The following WDR25 variants were observed in gnomAD, a reference collection of about 807,000 sequenced individuals.
The protein encoded by WDR25 is WD repeat domain 25, also known as WD repeat-containing protein 25.
A neutral mutation model predicts 47.7 loss-of-function variants in WDR25; 35 were observed. The observed-to-expected ratio is 0.73, with a 90% CI of 0.56 to 0.97. WDR25 has a LOEUF of 0.97. Among genes scored for constraint, WDR25 ranks in the 50% least tolerant of loss-of-function variants. WDR25 has a pLI of 0.00. For missense variants in WDR25, 634 were observed against 704.7 expected (o/e 0.90, Z 1.14); for synonymous variants, 248 against 278.9 (o/e 0.89, Z 1.10).
chr14:100,452,255 C>A (rs1899060285), intron 2 of WDR25, among the ~76,000 whole-genome samples: 1 of 152,170 alleles, frequency 6.6e-6, no homozygotes, highest in African/African-American at 2.4e-5. Flanking sequence ...AGACATTGGG[C>A]TTCTAGTATA....
rs1375319054 is a variant in WDR25, at chr14:100,440,347, C to G, written c.823-27674C>G. Among the ~76,000 whole-genome samples the G allele has an allele frequency of 6.6e-6, 1 of 152,254 alleles. No individual in the cohort carries two copies. Among genetic ancestry groups the G allele is most frequent in the African/African-American group, 2.4e-5 (1 of 41,470 alleles). ...CAGACAGGCAGCCACAGTCAGGGAG[C>G]CCTTCGGCCACGGCAGCGGGGTGGC... On this transcript the variant is annotated intron_variant, in intron 2 of 6. Transcript: ENST00000402312. This position sits in a 1 kb window ranked among gnomAD's most constrained non-coding sequence, Gnocchi z 4.4.
intron 2 of WDR25, among the ~76,000 whole-genome samples, chr14:100,436,115 A>T (rs915239389): frequency 6.6e-6 from 1 of 152,228 alleles, no homozygotes; most frequent in African/African-American, 2.4e-5. Flanking sequence ...TCTGCTGTTG[A>T]CTAGCCATGT....
chr14:100,462,739 T>C (rs1018637584), intron 2 of WDR25, among the ~76,000 whole-genome samples: 1 of 152,132 alleles, frequency 6.6e-6, no homozygotes, highest in African/African-American at 2.4e-5. Flanking sequence ...TTTTTGTAAT[T>C]TCTTCTTTCT....
intron 4 of WDR25, among the ~76,000 whole-genome samples, chr14:100,503,203 AGAGATAAG>A (rs1900996144): frequency 1.3e-5 from 2 of 152,042 alleles, no homozygotes. Context: ...GGGAGGCTTT[AGAGATAAG>A]GGAGACCTCC....
rs555714126 is a variant in WDR25 at position 100,425,129 on chromosome 14, T to C, written c.823-42892T>C. ...AGGCAGCCAGGATTTTTCTAAAAACTGTGCACCTGGGTGTGTCCCTTGCTG... is the reference window on the plus strand; with the variant it reads ...AGGCAGCCAGGATTTTTCTAAAAACCGTGCACCTGGGTGTGTCCCTTGCTG... On this transcript the variant is annotated intron_variant, in intron 2 of 6. Coordinates refer to ENST00000402312, the MANE Select transcript of WDR25 (RefSeq NM_001161476.3). The surrounding 1 kb of genome is among the most constrained non-coding windows in gnomAD (Gnocchi z 4.8). 6.6e-6 allele frequency among the ~76,000 whole-genome samples: 1 copy of C among 152,248 alleles called. No homozygotes were observed. The highest frequency in any genetic ancestry group is 2.4e-5 in the African/African-American group (1 of 41,478).
intron 4 of WDR25, among the ~76,000 whole-genome samples, chr14:100,512,978 T>C (rs1234035101): frequency 6.6e-6 from 1 of 152,228 alleles, no homozygotes; most frequent in East Asian, 1.9e-4. Context: ...TAAATTTATT[T>C]AGATTTTTTT....
chr14:100,384,323 T>G (rs1399814488), intron 2 of WDR25, among the ~76,000 whole-genome samples: 1 of 152,300 alleles, frequency 6.6e-6, no homozygotes, highest in African/African-American at 2.4e-5. Flanking sequence ...ATGGGGTTAT[T>G]TGGCAAATTG....
At chr14:100,518,589 C>T (rs1246281506) in intron 4 of WDR25, among the ~76,000 whole-genome samples, 1 of 152,098 alleles carries the variant, frequency 6.6e-6, no homozygotes, top group East Asian at 1.9e-4. Context: ...TTCACCTTCT[C>T]CTTTAAGAAC....
At position 100,424,992 on chromosome 14, in the gene WDR25, T is replaced by G. The variant is rs1262839605; in HGVS notation, c.823-43029T>G. On this transcript the variant is annotated intron_variant, in intron 2 of 6. Transcript: ENST00000402312. This position sits in a 1 kb window ranked among gnomAD's most constrained non-coding sequence, Gnocchi z 4.2. ...TTCCCCATGAAGCATCTCTTGGGTC[T>G]GTCTGTTTCTCTCTTCATCCACACC... Among the ~76,000 whole-genome samples the G allele has an allele frequency of 6.6e-6, 1 of 152,212 alleles. No individual in the cohort carries two copies. The highest frequency in any genetic ancestry group is 1.5e-5 in the Non-Finnish European group (1 of 68,042).
At chr14:100,459,525 CA>C (rs1257290353) in intron 2 of WDR25, among the ~76,000 whole-genome samples, 1 of 152,040 alleles carries the variant, frequency 6.6e-6, no homozygotes, top group Non-Finnish European at 1.5e-5. Context: ...CCCAGTGCCT[CA>C]AAAGGTAGCT....
In WDR25 at chr14:100,424,170, C is replaced by T. The variant is rs1898103820; in HGVS notation, c.822+42424C>T. Among the ~76,000 whole-genome samples, 1 of 152,204 alleles carries T rather than the reference C, an allele frequency of 6.6e-6. No individual in the cohort carries two copies. Among genetic ancestry groups the T allele is most frequent in the Admixed American group, 6.5e-5 (1 of 15,284 alleles). On this transcript the variant is annotated intron_variant, in intron 2 of 6. Coordinates refer to ENST00000402312, the MANE Select transcript of WDR25 (RefSeq NM_001161476.3). The surrounding 1 kb of genome is among the most constrained non-coding windows in gnomAD (Gnocchi z 4.2). ...AGGAAGGCACCACGGGCGAGGCCTC[C>T]CAGGCTGGCTGGGTGAGTGTTCCTG...
At chr14:100,489,451 A>G (rs1299602115) in intron 4 of WDR25, among the ~76,000 whole-genome samples, 1 of 152,246 alleles carries the variant, frequency 6.6e-6, no homozygotes, top group Non-Finnish European at 1.5e-5. Context: ...TTTTGAACCA[A>G]AAGTTAGGAT....
chr14:100,504,420 A>G (rs1469348911), intron 4 of WDR25: 3 of 152,144 alleles, frequency 2.0e-5, no homozygotes, highest in African/African-American at 4.8e-5. Flanking sequence ...TTCTTACTGT[A>G]TCCCTCTGAT....
chr14:100,468,141 G>A lies in WDR25; in HGVS notation c.943G>A (p.Ala315Thr), dbSNP rs551792043. 36 of 1,613,470 alleles carry A rather than the reference G, an allele frequency of 2.2e-5. No homozygotes were observed. The highest frequency in any genetic ancestry group is 3.3e-4 in the Middle Eastern group (2 of 6,056). ...CATCCTCAGTGGTGGCTTTGACTTC[G>A]CGCTGCACCTAACAGACCTTGAAAC... is the stretch of plus-strand genomic sequence containing the variant. ...RRILSGGFDF[A>T]LHLTDLETGT... The change falls in exon 3 of 7, where the codon GCG (alanine) becomes ACG (threonine). Residue 315 changes from alanine (A) to threonine (T), a missense_variant. Coordinates refer to ENST00000402312, the MANE Select transcript of WDR25 (RefSeq NM_001161476.3). This position sits in a 1 kb window ranked among gnomAD's most constrained non-coding sequence, Gnocchi z 4.5.
chr14:100,391,066 T>C (rs1312206305), intron 2 of WDR25, among the ~76,000 whole-genome samples: 1 of 152,202 alleles, frequency 6.6e-6, no homozygotes, highest in Non-Finnish European at 1.5e-5. Context: ...TATTTTACCC[T>C]CTTCCCCCCC....
intron 3 of WDR25, among the ~76,000 whole-genome samples, chr14:100,471,582 T>G (rs577154863): frequency 6.6e-6 from 1 of 152,308 alleles, no homozygotes; most frequent in Non-Finnish European, 1.5e-5. Flanking sequence ...GCTTTTTCAT[T>G]TCAATCTAAT....
At chr14:100,438,512 G>A (rs559721942) in intron 2 of WDR25, among the ~76,000 whole-genome samples, 35 of 152,332 alleles carry the variant, frequency 2.3e-4, no homozygotes, top group African/African-American at 8.4e-4. Flanking sequence ...TGAATTGAAT[G>A]AGCTTTTATT....
rs547973836 is a variant in WDR25 at position 100,430,846 on chromosome 14, C to T, written c.823-37175C>T. Among the ~76,000 whole-genome samples, 3 of 152,300 alleles carry T rather than the reference C, an allele frequency of 2.0e-5. No individual in the cohort carries two copies. The highest frequency in any genetic ancestry group is 2.4e-5 in the African/African-American group (1 of 41,554). On this transcript the variant is annotated intron_variant, in intron 2 of 6. Coordinates refer to ENST00000402312, the MANE Select transcript of WDR25 (RefSeq NM_001161476.3). This position sits in a 1 kb window ranked among gnomAD's most constrained non-coding sequence, Gnocchi z 4.7. ...CTGTCGAGAAGGGGCCTAAGAGGTG[C>T]CCACTCCCCTCCTTGTGGGTCATTT...
Position 100,481,567 on chromosome 14 carries a change from A to G in WDR25, c.971-2427A>G, listed in dbSNP as rs150675248. On this transcript the variant is annotated intron_variant, in intron 3 of 6. Transcript: ENST00000402312. Reference sequence around the variant, plus strand: ...CTCGGGTGTCAGCTTAACATTCCATACATGGGGGGTTAGTTTTTATATCCT... The same window carrying G: ...CTCGGGTGTCAGCTTAACATTCCATGCATGGGGGGTTAGTTTTTATATCCT... Among the ~76,000 whole-genome samples the G allele has an allele frequency of 4.1e-4, 62 of 151,982 alleles. 1 individual carries two copies. In the East Asian group the frequency reaches 9.3e-3, roughly 23 times the overall value.
Sources: allele counts gnomAD v4.1 joint callset (sites outside exome capture counted in the v4.1 genomes callset), GRCh38; gene constraint gnomAD v4.1.1; non-coding constraint Gnocchi (gnomAD v3.1); transcripts MANE v1.5; gene names NCBI Gene and HGNC (gene_info 2026-07-23, HGNC 2026-07-21).